Variants in NALF1 observed in about 807,000 individuals in gnomAD.
NALF1 encodes family with sequence similarity 155 member A.
Under a neutral mutation model 48.4 loss-of-function variants are expected in NALF1, and 3 were observed. The ratio of observed to expected loss-of-function variants is 0.06; its 90% CI spans 0.03 to 0.16. NALF1 has a LOEUF of 0.16. NALF1 is among the 10% of genes least tolerant of loss of function. The probability of loss-of-function intolerance (pLI) is 1.00; values close to 1 mark genes in which losing one functional copy is unlikely to be tolerated. For synonymous variants in NALF1, 262 were observed against 245.7 expected, an observed-to-expected ratio of 1.07 and a Z score of -0.62; for missense variants, 526 against 571.5, an observed-to-expected ratio of 0.92 and a Z score of 0.81.
chr13:107,562,953 CCTT>C (rs1387183920), intron 1 of NALF1, among the ~76,000 whole-genome samples: 4 of 152,142 alleles, frequency 2.6e-5, no homozygotes, highest in Admixed American at 2.0e-4. Flanking sequence ...GGAGCTGAGT[CCTT>C]CTTAAAACTT....
intron 1 of NALF1, among the ~76,000 whole-genome samples, chr13:107,646,808 G>T (rs1215788395): frequency 6.6e-6 from 1 of 152,074 alleles, no homozygotes; most frequent in South Asian, 2.1e-4. Flanking sequence ...GTTAATTTAT[G>T]AATATATGAA....
At chr13:107,369,777 T>C (rs923041015) in intron 1 of NALF1, among the ~76,000 whole-genome samples, 1 of 152,166 alleles carries the variant, frequency 6.6e-6, no homozygotes, top group African/African-American at 2.4e-5. Context: ...AATAATTTAT[T>C]CTTGAAATCA....
chr13:107,639,584 T>C (rs1236767671), intron 1 of NALF1, among the ~76,000 whole-genome samples: 1 of 149,734 alleles, frequency 6.7e-6, no homozygotes, highest in Non-Finnish European at 1.5e-5. Context: ...GATTGCAGCC[T>C]GTGCATAGCC....
intron 1 of NALF1, among the ~76,000 whole-genome samples, chr13:107,800,510 C>G (rs1878574074): frequency 6.9e-6 from 1 of 145,722 alleles, no homozygotes; most frequent in Admixed American, 6.9e-5. Context: ...CATCATAAAC[C>G]AAGCATTTGC....
At chr13:107,526,881 G>A (rs1050143830) in intron 1 of NALF1, among the ~76,000 whole-genome samples, 1 of 152,134 alleles carries the variant, frequency 6.6e-6, no homozygotes, top group African/African-American at 2.4e-5. Context: ...TCAGACATGA[G>A]ACAGCTTGGA....
chr13:107,165,160 A>G lies in NALF1; in HGVS notation c.*5337T>C, dbSNP rs1208106127. ...CTATATTTTATTAAAATATTCCCAT[A>G]GACCCTCTTCTCCTTTACCTCCAAA... On this transcript the variant is annotated 3_prime_UTR_variant, in exon 3 of 3. Transcript: ENST00000375915. The G allele has an allele frequency of 1.3e-5, 2 of 152,200 alleles. No individual in the cohort carries two copies. The allele number at this position is 152,200 out of a possible 1,614,324, so 9.4% of individuals were successfully genotyped here. A position where few individuals can be genotyped will look rare whatever the true frequency, so the allele number is the denominator to read the frequency against.
At chr13:107,418,636 A>T (rs1253325570) in intron 1 of NALF1, among the ~76,000 whole-genome samples, 1 of 152,002 alleles carries the variant, frequency 6.6e-6, no homozygotes, top group East Asian at 1.9e-4. Context: ...TTGGGGTACA[A>T]ATGATCTCAT....
At chr13:107,411,755 A>C (rs16970077) in intron 1 of NALF1, among the ~76,000 whole-genome samples, 32,839 of 152,204 alleles carry the variant, frequency 0.22, 4,345 homozygotes, top group Admixed American at 0.29. Context: ...CTGAACTGGA[A>C]TAAGTGGGGT....
At chr13:107,636,186 C>T (rs928384197) in intron 1 of NALF1, among the ~76,000 whole-genome samples, 1 of 152,070 alleles carries the variant, frequency 6.6e-6, no homozygotes, top group African/African-American at 2.4e-5. Context: ...CCCTCCTGCA[C>T]AGCGAAGAAG....
Position 107,684,875 on chromosome 13 carries a change from T to G in NALF1, c.915+180807A>C, listed in dbSNP as rs560956438. On this transcript the variant is annotated intron_variant, in intron 1 of 2. Coordinates refer to ENST00000375915, the MANE Select transcript of NALF1 (RefSeq NM_001080396.3). ...TGGCAATATTAATCCTGAATGTTCC[T>G]TAACACCCAGAAATGCCTTTGCCAC... Among the ~76,000 whole-genome samples, 6 of 152,338 alleles carry G rather than the reference T, an allele frequency of 3.9e-5. No homozygotes were observed. In the South Asian group the frequency reaches 1.2e-3, roughly 32 times the overall value.
intron 1 of NALF1, among the ~76,000 whole-genome samples, chr13:107,272,144 G>A (rs1881190713): frequency 6.6e-6 from 1 of 151,262 alleles, no homozygotes; most frequent in South Asian, 2.1e-4. Context: ...TATACACACT[G>A]GTACGTATAT....
intron 1 of NALF1, among the ~76,000 whole-genome samples, chr13:107,451,861 C>T (rs1181299651): frequency 6.6e-6 from 1 of 152,184 alleles, no homozygotes; most frequent in Non-Finnish European, 1.5e-5. Flanking sequence ...ACTGGCCAAA[C>T]CTAGTGGATT....
At chr13:107,828,593 A>ATC (rs1430827586) in intron 1 of NALF1, among the ~76,000 whole-genome samples, 27 of 75,526 alleles carry the variant, frequency 3.6e-4, no homozygotes, top group East Asian at 2.5e-3. Flanking sequence ...CTATCTATCT[A>ATC]TATCTATATC....
intron 1 of NALF1, among the ~76,000 whole-genome samples, chr13:107,468,261 T>C (rs547802052): frequency 2.0e-5 from 3 of 152,308 alleles, no homozygotes; most frequent in Non-Finnish European, 4.4e-5. Context: ...AAAATTTACT[T>C]GTCATTACCT....
At chr13:107,366,344 T>TA (rs1421750652) in intron 1 of NALF1, among the ~76,000 whole-genome samples, 10 of 152,222 alleles carry the variant, frequency 6.6e-5, no homozygotes, top group African/African-American at 1.9e-4. Context: ...GAAGGCATTA[T>TA]AATCACTTTG....
intron 1 of NALF1, among the ~76,000 whole-genome samples, chr13:107,625,364 T>C (rs1879641236): frequency 6.6e-6 from 1 of 152,140 alleles, no homozygotes. Context: ...CACAAAGAGA[T>C]AAGCTACCTA....
At chr13:107,314,536 C>T (rs1882107559) in intron 1 of NALF1, among the ~76,000 whole-genome samples, 1 of 152,122 alleles carries the variant, frequency 6.6e-6, no homozygotes, top group African/African-American at 2.4e-5. Flanking sequence ...GACTCCTACT[C>T]CTCATACATG....
chr13:107,182,001 C>G (rs1879072437), intron 2 of NALF1, among the ~76,000 whole-genome samples: 1 of 151,544 alleles, frequency 6.6e-6, no homozygotes, highest in Non-Finnish European at 1.5e-5. Flanking sequence ...AATTTTTTTC[C>G]ATAATTTTTC....
chr13:107,659,114 G>GAC (rs71121541), intron 1 of NALF1, among the ~76,000 whole-genome samples: 4,762 of 145,848 alleles, frequency 0.033, 96 homozygotes, highest in East Asian at 0.064. Flanking sequence ...CTGACACACA[G>GAC]ACACACACAC....
Sources: gnomAD v4.1 joint callset for allele counts (sites outside exome capture counted in the v4.1 genomes callset) on GRCh38, gnomAD v4.1.1 for gene constraint, MANE v1.5 for transcripts, NCBI Gene and HGNC (gene_info 2026-07-23, HGNC 2026-07-21) for gene names.